GALNT13: variants seen among roughly 807,000 people sequenced by gnomAD.
GALNT13 encodes the protein polypeptide N-acetylgalactosaminyltransferase 13, also known as UDP-GalNAc:polypeptide N-acetylgalactosaminyltransferase 13.
GALNT13 carries 28 observed loss-of-function variants against 64.2 expected under a neutral mutation model. That is an observed-to-expected ratio of 0.44 (90% CI 0.32 to 0.60). GALNT13 has a LOEUF of 0.60. GALNT13 is among the 20% of genes least tolerant of loss of function. The pLI is 0.05. For synonymous variants in GALNT13, 214 were observed against 224.6 expected (o/e 0.95, Z 0.42); for missense variants, 577 against 669.8 (o/e 0.86, Z 1.53).
At chr2:154,114,369 A>G (rs954271919) in intron 3 of GALNT13, among the ~76,000 whole-genome samples, 3 of 152,174 alleles carry the variant, frequency 2.0e-5, no homozygotes, top group Non-Finnish European at 4.4e-5. Flanking sequence ...TGCAAGTCAG[A>G]TCTGAGCTAA....
chr2:154,228,115 G>A (rs1352433477), intron 4 of GALNT13, among the ~76,000 whole-genome samples: 2 of 152,086 alleles, frequency 1.3e-5, no homozygotes, highest in Admixed American at 6.6e-5. Flanking sequence ...TGATTCAGAT[G>A]ATTCTGATGT....
the GALNT13 span, among the ~76,000 whole-genome samples, chr2:153,691,084 G>C: frequency 1.3e-5 from 2 of 151,980 alleles, no homozygotes; most frequent in African/African-American, 4.8e-5. Flanking sequence ...CACTCCTTTG[G>C]TATATTTACA....
the GALNT13 span, among the ~76,000 whole-genome samples, chr2:153,763,999 C>G: frequency 2.0e-5 from 3 of 152,148 alleles, no homozygotes; most frequent in African/African-American, 7.2e-5. Flanking sequence ...AAGTTTGGAA[C>G]TTCCTACAGA....
chr2:153,539,316 C>T, the GALNT13 span, among the ~76,000 whole-genome samples: 100 of 151,908 alleles, frequency 6.6e-4, no homozygotes, highest in African/African-American at 1.3e-3. Context: ...GAGTAGGTTG[C>T]GAAAATTTTC....
chr2:154,333,960 A>C (rs1317750747), intron 9 of GALNT13, among the ~76,000 whole-genome samples: 1 of 152,002 alleles, frequency 6.6e-6, no homozygotes, highest in Non-Finnish European at 1.5e-5. Context: ...TATTTCTACA[A>C]TTGTCGTAAC....
the GALNT13 span, among the ~76,000 whole-genome samples, chr2:153,668,936 G>A: frequency 6.6e-6 from 1 of 152,174 alleles, no homozygotes; most frequent in Non-Finnish European, 1.5e-5. Context: ...TTAGTATAAG[G>A]GGAACTGTCA....
chr2:153,843,801 G>A, the GALNT13 span, among the ~76,000 whole-genome samples: 2 of 152,144 alleles, frequency 1.3e-5, no homozygotes, highest in Non-Finnish European at 2.9e-5. Flanking sequence ...AAGGGTTACA[G>A]GCCCCATGCA....
the GALNT13 span, among the ~76,000 whole-genome samples, chr2:153,560,769 G>A: frequency 6.6e-6 from 1 of 151,946 alleles, no homozygotes; most frequent in African/African-American, 2.4e-5. Context: ...CCCACCACAT[G>A]CTCTTCAGCC....
At chr2:153,804,179 T>C in the GALNT13 span, among the ~76,000 whole-genome samples, 2 of 152,176 alleles carry the variant, frequency 1.3e-5, no homozygotes, top group Non-Finnish European at 2.9e-5. Context: ...TTGTTGTTGT[T>C]TCTTTTTGAG....
At chr2:153,473,795 C>T in the GALNT13 span, among the ~76,000 whole-genome samples, 1 of 152,164 alleles carries the variant, frequency 6.6e-6, no homozygotes, top group African/African-American at 2.4e-5. Context: ...TGTGCTGTTG[C>T]AGAAACTCAA....
the GALNT13 span, among the ~76,000 whole-genome samples, chr2:153,661,234 C>G: frequency 6.6e-6 from 1 of 152,028 alleles, no homozygotes; most frequent in East Asian, 1.9e-4. Context: ...ATTATCTTGG[C>G]TTTCAAGAGT....
chr2:153,469,126 AGAG>A, the GALNT13 span, among the ~76,000 whole-genome samples: 126 of 152,250 alleles, frequency 8.3e-4, no homozygotes, highest in East Asian at 7.7e-4. Context: ...GCCAAGAAAA[AGAG>A]GATATATTGT....
At chr2:153,601,206 G>C in the GALNT13 span, among the ~76,000 whole-genome samples, 4 of 150,806 alleles carry the variant, frequency 2.7e-5, no homozygotes, top group East Asian at 5.9e-4. Context: ...GTATTGGTTA[G>C]AAACTTACTT....
At chr2:154,456,174 T>TTTTG (rs1702030666), downstream of GALNT13, among the ~76,000 whole-genome samples, 8 of 112,618 alleles carry the variant, frequency 7.1e-5, no homozygotes, top group Admixed American at 4.3e-4. Context: ...ATTTCAGCTT[T>TTTTG]TTTTGTTTTG....
chr2:153,984,967 G>T (rs10174325), intron 3 of GALNT13, among the ~76,000 whole-genome samples: 10,147 of 151,662 alleles, frequency 0.067, 730 homozygotes, highest in African/African-American at 0.18. Flanking sequence ...AATGACTAGG[G>T]GGTCAAATCC....
chr2:154,311,892 C>A (rs897535886), intron 9 of GALNT13, among the ~76,000 whole-genome samples: 9 of 152,176 alleles, frequency 5.9e-5, no homozygotes, highest in Non-Finnish European at 8.8e-5. Context: ...CTCTGTTCTG[C>A]CGGGCTCACC....
At chr2:153,557,035 C>T in the GALNT13 span, among the ~76,000 whole-genome samples, 3 of 151,882 alleles carry the variant, frequency 2.0e-5, no homozygotes, top group Non-Finnish European at 2.9e-5. Context: ...ACAAATTTGA[C>T]CCCCCCTTCC....
At chr2:154,146,987 A>G (rs1483979961) in intron 4 of GALNT13, among the ~76,000 whole-genome samples, 2 of 152,228 alleles carry the variant, frequency 1.3e-5, no homozygotes, top group East Asian at 3.9e-4. Context: ...TAAAATGTGT[A>G]TGCCTTTTTT....
chr2:153,531,548 A>G, the GALNT13 span, among the ~76,000 whole-genome samples: 1 of 152,114 alleles, frequency 6.6e-6, no homozygotes, highest in Non-Finnish European at 1.5e-5. Flanking sequence ...CTCTGCTCCC[A>G]AGTCTCATGT....
Sources: allele counts gnomAD v4.1 joint callset (sites outside exome capture counted in the v4.1 genomes callset), GRCh38; gene constraint gnomAD v4.1.1; transcripts MANE v1.5; gene names NCBI Gene and HGNC (gene_info 2026-07-23, HGNC 2026-07-21).